KLHL18: variants seen among roughly 807,000 people sequenced by gnomAD.
The protein encoded by KLHL18 is kelch like family member 18.
In KLHL18, 38 loss-of-function variants were observed where a neutral mutation model predicts 58.5. The observed-to-expected ratio is 0.65, with a 90% CI of 0.50 to 0.85. KLHL18 has a LOEUF of 0.85. Among genes scored for constraint, KLHL18 ranks in the 40% least tolerant of loss-of-function variants. The pLI is 0.00. For synonymous variants in KLHL18, 303 were observed against 301.9 expected (o/e 1.00, Z -0.04); for missense variants, 624 against 778.4 (o/e 0.80, Z 2.36).
At chr3:47,308,737 C>T (rs1703209372) in intron 1 of KLHL18, among the ~76,000 whole-genome samples, 1 of 152,116 alleles carries the variant, frequency 6.6e-6, no homozygotes, top group Non-Finnish European at 1.5e-5. Flanking sequence ...TTCCCTCCCT[C>T]CCTCCTCTCA....
intron 4 of KLHL18, 32 bp downstream of exon 4, chr3:47,330,181 G>T (rs1674149777): frequency 5.7e-6 from 9 of 1,577,704 alleles, no homozygotes; most frequent in South Asian, 2.2e-5. Flanking sequence ...CTGTGCAGGT[G>T]ACATGAGATG....
intron 1 of KLHL18, among the ~76,000 whole-genome samples, chr3:47,305,684 T>G (rs1448277952): frequency 6.8e-6 from 1 of 147,364 alleles, no homozygotes; most frequent in Non-Finnish European, 1.5e-5. Context: ...AAATTGGTAT[T>G]AATTCTATTT....
intron 3 of KLHL18, among the ~76,000 whole-genome samples, chr3:47,328,383 A>G (rs181773619): frequency 1.7e-4 from 26 of 152,228 alleles, no homozygotes; most frequent in Admixed American, 1.6e-3. Flanking sequence ...AAAAACAACC[A>G]TAATAAAAAA....
Position 47,342,725 on chromosome 3 carries a change from A to G in KLHL18, c.1233A>G (p.Thr411=). 6.2e-7 allele frequency: 1 copy of G among 1,613,878 alleles called. No individual in the cohort carries two copies. Among genetic ancestry groups the G allele is most frequent in the Non-Finnish European group, 8.5e-7 (1 of 1,179,770 alleles). ...TTTTGACTCTTTCCTGAAGATGGAC[A>G]GTGGTGACCTCGATGAGCTCGAATC... ...ETYSPETDKW[T]VVTSMSSNRS... is the part of the protein sequence containing the mutation. The change falls in exon 9 of 10, where the codon ACA becomes ACG. Residue 411 remains threonine, a synonymous_variant. Transcript: ENST00000232766.
rs759672291 is a variant in KLHL18 at position 47,313,211 on chromosome 3, A to AT, written c.130-6422dup. On this transcript the variant is annotated intron_variant, in intron 1 of 9. Transcript: ENST00000232766. ...GGCGTGAGCCACCGTGCCCGGCCTA[A>AT]TTTTTTTTTTTTTTTTTTTTAATAG... Among the ~76,000 whole-genome samples the AT allele has an allele frequency of 5.9e-3, 691 of 117,326 alleles. 5 individuals are homozygous for AT. Among genetic ancestry groups the AT allele is most frequent in the East Asian group, 0.016 (65 of 4,008 alleles). The allele number at this position is 117,326 out of a possible 152,430, so 77.0% of individuals were successfully genotyped here. A position where few individuals can be genotyped will look rare whatever the true frequency, so the allele number is the denominator to read the frequency against.
intron 4 of KLHL18, among the ~76,000 whole-genome samples, chr3:47,331,897 G>A (rs1233021270): frequency 6.6e-6 from 1 of 152,228 alleles, no homozygotes; most frequent in Non-Finnish European, 1.5e-5. Flanking sequence ...GCATAAGGGT[G>A]TGCATCTTTG....
chr3:47,345,698 AC>A lies in KLHL18; in HGVS notation c.*1759del, dbSNP rs1704212918. 6.6e-6 allele frequency: 1 copy of A among 152,456 alleles called. No individual in the cohort carries two copies. The highest frequency in any genetic ancestry group is 2.4e-5 in the African/African-American group (1 of 41,386). 9.4% of individuals were successfully genotyped at this position (152,456 alleles called of 1,614,324 possible). On this transcript the variant is annotated 3_prime_UTR_variant, in exon 10 of 10. Transcript: ENST00000232766. ...ACTGAGTCTTAGGGCTCCAGTCTCC[AC>A]CTGCTTGGTTTCCTATCCTTTGCTG...
intron 1 of KLHL18, among the ~76,000 whole-genome samples, chr3:47,288,795 A>G (rs866344076): frequency 1.3e-5 from 2 of 152,164 alleles, no homozygotes; most frequent in Non-Finnish European, 2.9e-5. Flanking sequence ...TTTTATCTTA[A>G]AAGTTATGAG....
intron 1 of KLHL18, among the ~76,000 whole-genome samples, chr3:47,302,235 C>T (rs995621501): frequency 6.6e-6 from 1 of 152,114 alleles, no homozygotes; most frequent in Non-Finnish European, 1.5e-5. Flanking sequence ...GCTTGTAATC[C>T]CAGCACTTTG....
intron 1 of KLHL18, among the ~76,000 whole-genome samples, chr3:47,309,779 C>G (rs1008757678): frequency 6.6e-6 from 1 of 152,222 alleles, no homozygotes; most frequent in South Asian, 2.1e-4. Context: ...TGGCGGATCA[C>G]TCGCGGTTAG....
At chr3:47,293,545 T>A (rs1702833804) in intron 1 of KLHL18, among the ~76,000 whole-genome samples, 1 of 152,226 alleles carries the variant, frequency 6.6e-6, no homozygotes, top group Admixed American at 6.5e-5. Flanking sequence ...TTAAAAGGAA[T>A]TGCCTTCTAA....
At chr3:47,331,130 T>G (rs1440946550) in intron 4 of KLHL18, among the ~76,000 whole-genome samples, 1 of 152,102 alleles carries the variant, frequency 6.6e-6, no homozygotes, top group Non-Finnish European at 1.5e-5. Context: ...GGTTGTTGTT[T>G]GTTTGTTTTT....
Position 47,333,184 on chromosome 3 carries a change from A to G in KLHL18, c.628A>G (p.Arg210Gly), listed in dbSNP as rs756496810. Residue 210 changes from arginine to glycine, a missense_variant, in exon 5 of 10, where the codon AGA becomes GGA. By Grantham distance (125) the Arg-to-Gly change is moderately radical. Coordinates refer to ENST00000232766, the MANE Select transcript of KLHL18 (RefSeq NM_025010.5). ...QVFEAALAWVRYDREQRGPYL... is the reference protein window; with the variant it reads ...QVFEAALAWVGYDREQRGPYL... ...CTTTGAAGCTGCATTGGCCTGGGTC[A>G]GATACGACCGGGAGCAGAGGGGTCC... The G allele has an allele frequency of 6.2e-7, 1 of 1,613,920 alleles. No homozygotes were observed. Among genetic ancestry groups the G allele is most frequent in the African/African-American group, 1.3e-5 (1 of 74,904 alleles).
chr3:47,301,715 C>T (rs1262930331), intron 1 of KLHL18, among the ~76,000 whole-genome samples: 3 of 152,206 alleles, frequency 2.0e-5, no homozygotes, highest in African/African-American at 7.2e-5. Flanking sequence ...TTCCCAAAAA[C>T]ATAATTACTA....
At chr3:47,315,484 C>T (rs935901264) in intron 1 of KLHL18, among the ~76,000 whole-genome samples, 1 of 152,178 alleles carries the variant, frequency 6.6e-6, no homozygotes, top group Admixed American at 6.5e-5. Context: ...ATGGTAGAAC[C>T]ATCCACCTCT....
chr3:47,316,542 T>C (rs1460624548), intron 1 of KLHL18, among the ~76,000 whole-genome samples: 6 of 11,630 alleles, frequency 5.2e-4, no homozygotes, highest in Non-Finnish European at 2.0e-3. Flanking sequence ...TATATATACA[T>C]ATATACATAT....
intron 1 of KLHL18, chr3:47,297,780 T>C: frequency 2.6e-6 from 1 of 380,168 alleles, no homozygotes; most frequent in South Asian, 2.0e-5. Flanking sequence ...TGAGGCACTG[T>C]GTTAAGTACT....
At position 47,334,240 on chromosome 3, in the gene KLHL18, G is replaced by A. The variant is rs1370460186; in HGVS notation, c.762-443G>A. Among the ~76,000 whole-genome samples the A allele has an allele frequency of 6.6e-6, 1 of 152,104 alleles. No homozygotes were observed. Among genetic ancestry groups the A allele is most frequent in the African/African-American group, 2.4e-5 (1 of 41,410 alleles). On this transcript the variant is annotated intron_variant, in intron 5 of 9. Transcript: ENST00000232766. This position sits in a 1 kb window ranked among gnomAD's most constrained non-coding sequence, Gnocchi z 4.7. ...TTAGCTTGAACTCTAGTGTGGAAGT[G>A]GAATGGAGGGGCAGGCCTGAGGCAG...
At chr3:47,310,551 T>A (rs569406990) in intron 1 of KLHL18, among the ~76,000 whole-genome samples, 1 of 152,238 alleles carries the variant, frequency 6.6e-6, no homozygotes, top group Non-Finnish European at 1.5e-5. Context: ...CCCAGACTTA[T>A]CTCTGTATAC....
Sources: allele counts gnomAD v4.1 joint callset (sites outside exome capture counted in the v4.1 genomes callset), GRCh38; gene constraint gnomAD v4.1.1; non-coding constraint Gnocchi (gnomAD v3.1); transcripts MANE v1.5; gene names NCBI Gene and HGNC (gene_info 2026-07-23, HGNC 2026-07-21).